The following PHACTR2 variants were observed in gnomAD, a reference collection of about 807,000 sequenced individuals.
PHACTR2 encodes the protein phosphatase and actin regulator 2.
PHACTR2 carries 30 observed loss-of-function variants against 76.0 expected under a neutral mutation model. That is an observed-to-expected ratio of 0.39 (90% CI 0.30 to 0.54). The LOEUF (loss-of-function observed/expected upper bound fraction) is 0.54, where lower values mean the gene tolerates loss of function less well. Ranked by LOEUF, PHACTR2 falls within the 20% of genes least tolerant of loss-of-function variation. The pLI, the probability that PHACTR2 is intolerant of heterozygous loss-of-function variation, is 0.61. For missense variants in PHACTR2, 696 were observed against 781.1 expected, an observed-to-expected ratio of 0.89 and a Z score of 1.30; for synonymous variants, 292 against 292.5, an observed-to-expected ratio of 1.00 and a Z score of 0.02.
At chr6:143,723,833 C>G (rs1778497581) in intron 2 of PHACTR2, among the ~76,000 whole-genome samples, 1 of 152,186 alleles carries the variant, frequency 6.6e-6, no homozygotes, top group South Asian at 2.1e-4. Flanking sequence ...TCTTTTTTCT[C>G]CTATTAACTC....
At chr6:143,815,526 A>G (rs17073087) in intron 12 of PHACTR2, among the ~76,000 whole-genome samples, 2,533 of 152,330 alleles carry the variant, frequency 0.017, 61 homozygotes, top group African/African-American at 0.056. Context: ...TTTTATATCT[A>G]TCAAGTAGGG....
At chr6:143,637,465 A>G (rs1312988631) in intron 1 of PHACTR2, among the ~76,000 whole-genome samples, 1 of 152,200 alleles carries the variant, frequency 6.6e-6, no homozygotes, top group East Asian at 1.9e-4. Flanking sequence ...GTTCTCAGTA[A>G]GACTTTGCGA....
Position 143,678,081 on chromosome 6 carries a change from T to C in PHACTR2, c.-83T>C. The C allele has an allele frequency of 6.5e-7, 1 of 1,543,310 alleles. No homozygotes were observed. Reference sequence around the variant, plus strand: ...CGGCACAGGCCGGGACATGAACGCCTGGAAGTCTGGCTGGGAGCGGACCCA... The same window carrying C: ...CGGCACAGGCCGGGACATGAACGCCCGGAAGTCTGGCTGGGAGCGGACCCA... On this transcript the variant is annotated 5_prime_UTR_variant, in exon 1 of 13. Coordinates refer to ENST00000440869, the MANE Select transcript of PHACTR2 (RefSeq NM_001100164.2). The surrounding 1 kb of genome is among the most constrained non-coding windows in gnomAD (Gnocchi z 6.2).
chr6:143,670,743 C>G (rs1582754745), intron 1 of PHACTR2, among the ~76,000 whole-genome samples: 2 of 152,176 alleles, frequency 1.3e-5, no homozygotes, highest in South Asian at 4.1e-4. Flanking sequence ...AGCAATTCCT[C>G]TAACCTTTTT....
chr6:143,713,684 C>CTTCA (rs1347100309), intron 2 of PHACTR2, among the ~76,000 whole-genome samples: 2 of 152,144 alleles, frequency 1.3e-5, no homozygotes, highest in Non-Finnish European at 2.9e-5. Flanking sequence ...CTCGGAGGTG[C>CTTCA]TTCAGTTCCT....
At position 143,656,175 on chromosome 6, in the gene PHACTR2, T is replaced by G. The variant is rs1056624873; in HGVS notation, c.13+47853T>G. ...CGCAGAGACTTCTAGCAGGGTTGTC[T>G]GGTGGGACATGCCCTGGGATATGGG... On this transcript the variant is annotated intron_variant, in intron 1 of 11. Transcript: ENST00000305766. This position sits in a 1 kb window ranked among gnomAD's most constrained non-coding sequence, Gnocchi z 5.3. Among the ~76,000 whole-genome samples, 3 of 152,228 alleles carry G rather than the reference T, an allele frequency of 2.0e-5. No individual in the cohort carries two copies. The highest frequency in any genetic ancestry group is 7.2e-5 in the African/African-American group (3 of 41,456).
chr6:143,814,577 G>A (rs541783683), intron 12 of PHACTR2, among the ~76,000 whole-genome samples: 49 of 150,090 alleles, frequency 3.3e-4, no homozygotes, highest in African/African-American at 1.2e-3. Context: ...TATACGTATG[G>A]ACACATAGAC....
At chr6:143,771,162 A>ATGTG (rs1562300661) in intron 6 of PHACTR2, among the ~76,000 whole-genome samples, 4 of 34,660 alleles carry the variant, frequency 1.2e-4, no homozygotes, top group African/African-American at 6.8e-4. Flanking sequence ...ATATATGTAT[A>ATGTG]TATATATATA....
rs1776098901 is a variant in PHACTR2, at chr6:143,807,913, A to G, written c.1922+780A>G. 6.6e-6 allele frequency among the ~76,000 whole-genome samples: 1 copy of G among 152,132 alleles called. No homozygotes were observed. The highest frequency in any genetic ancestry group is 2.1e-4 in the South Asian group (1 of 4,816). ...TGTGCTGGGAGCATGTCACAATATA[A>G]AGGAAGTTGCTGTATAACCTCCAAC... is the stretch of plus-strand genomic sequence containing the variant. On this transcript the variant is annotated intron_variant, in intron 12 of 12. Coordinates refer to ENST00000440869, the MANE Select transcript of PHACTR2 (RefSeq NM_001100164.2). The surrounding 1 kb of genome is among the most constrained non-coding windows in gnomAD (Gnocchi z 5.5).
intron 2 of PHACTR2, among the ~76,000 whole-genome samples, chr6:143,718,409 G>A (rs147221598): frequency 6.6e-6 from 1 of 152,292 alleles, no homozygotes; most frequent in African/African-American, 2.4e-5. Flanking sequence ...GTAGGCAAAG[G>A]CAATATTTGA....
In PHACTR2 at chr6:143,546,974, C is replaced by A. The variant is rs1775010196; in HGVS notation, c.217+9767C>A. Among the ~76,000 whole-genome samples, 1 of 151,844 alleles carries A rather than the reference C, an allele frequency of 6.6e-6. No homozygotes were observed. The highest frequency in any genetic ancestry group is 1.5e-5 in the Non-Finnish European group (1 of 67,978). ...ATTGCTTGAATCCAGCAGTTCGATG[C>A]TGCAGTGAGCTGTGATTGTGGCACT... On this transcript the variant is annotated intron_variant, in intron 1 of 11. Coordinates refer to the PHACTR2 transcript ENST00000367584. The surrounding 1 kb of genome is among the most constrained non-coding windows in gnomAD (Gnocchi z 4.9).
At chr6:143,814,962 T>C (rs9376793) in intron 12 of PHACTR2, among the ~76,000 whole-genome samples, 39,060 of 152,050 alleles carry the variant, frequency 0.26, 5,313 homozygotes, top group East Asian at 0.37. Flanking sequence ...GTTACTATCC[T>C]ATGTGGGTTT....
In PHACTR2 at chr6:143,633,428, T is replaced by C. The variant is rs1051347808; in HGVS notation, c.13+25106T>C. ...TATATCTTCTTTGGTGAGGTCTTCC[T>C]TTTTAGTGAGGACCTCTTTAGAGAG... On this transcript the variant is annotated intron_variant, in intron 1 of 11. Transcript: ENST00000305766. This position sits in a 1 kb window ranked among gnomAD's most constrained non-coding sequence, Gnocchi z 4.1. Among the ~76,000 whole-genome samples the C allele has an allele frequency of 6.6e-6, 1 of 152,222 alleles. No homozygotes were observed. Among genetic ancestry groups the C allele is most frequent in the African/African-American group, 2.4e-5 (1 of 41,462 alleles).
rs981155197 is a variant in PHACTR2 at position 143,767,897 on chromosome 6, G to A, written c.1232+2099G>A. Among the ~76,000 whole-genome samples, 2 of 152,134 alleles carry A rather than the reference G, an allele frequency of 1.3e-5. No homozygotes were observed. The highest frequency in any genetic ancestry group is 2.9e-5 in the Non-Finnish European group (2 of 68,010). ...CTGTCACCCAGGCTGGAGTACAGTGGCATGATCTCGGCTCACCTCAACCTC... is the reference window on the plus strand; with the variant it reads ...CTGTCACCCAGGCTGGAGTACAGTGACATGATCTCGGCTCACCTCAACCTC... On this transcript the variant is annotated intron_variant, in intron 6 of 12. Transcript: ENST00000440869. This position sits in a 1 kb window ranked among gnomAD's most constrained non-coding sequence, Gnocchi z 4.4.
chr6:143,671,540 T>C lies in PHACTR2; in HGVS notation c.14-40476T>C, dbSNP rs756471632. 2.0e-5 allele frequency among the ~76,000 whole-genome samples: 3 copies of C among 152,348 alleles called. No homozygotes were observed. In the East Asian group the frequency reaches 5.8e-4, roughly 29 times the overall value. On this transcript the variant is annotated intron_variant, in intron 1 of 11. Transcript: ENST00000305766. The surrounding 1 kb of genome is among the most constrained non-coding windows in gnomAD (Gnocchi z 4.6). ...TCTGAATTTCATAGCACTTTTCATCTTCTAAATTGTTATAAAGTTTACTGA... is the reference window on the plus strand; with the variant it reads ...TCTGAATTTCATAGCACTTTTCATCCTCTAAATTGTTATAAAGTTTACTGA...
rs1237727659 is a variant in PHACTR2 at position 143,683,736 on chromosome 6, T to G, written c.46+5527T>G. Among the ~76,000 whole-genome samples the G allele has an allele frequency of 2.0e-5, 3 of 152,220 alleles. No individual in the cohort carries two copies. Among genetic ancestry groups the G allele is most frequent in the Non-Finnish European group, 4.4e-5 (3 of 68,036 alleles). ...AAAGGCAAAAGCTGATGGAGTTTGTTTTCTTTATTCCATAATATATACATG... is the reference window on the plus strand; with the variant it reads ...AAAGGCAAAAGCTGATGGAGTTTGTGTTCTTTATTCCATAATATATACATG... On this transcript the variant is annotated intron_variant, in intron 1 of 12. Coordinates refer to ENST00000440869, the MANE Select transcript of PHACTR2 (RefSeq NM_001100164.2). This position sits in a 1 kb window ranked among gnomAD's most constrained non-coding sequence, Gnocchi z 4.1.
Position 143,823,591 on chromosome 6 carries a change from A to T in PHACTR2, c.1923-83A>T, listed in dbSNP as rs966934547. On this transcript the variant is annotated intron_variant, in intron 12 of 12. Transcript: ENST00000440869. This position sits in a 1 kb window ranked among gnomAD's most constrained non-coding sequence, Gnocchi z 5.7. The stretch of plus-strand genomic sequence containing the variant: ...ATATCTGGGGTACCTTTTCATTGTA[A>T]ACATGACCACGCCTTATTCAGCTCA... 3 of 1,044,354 alleles carry T rather than the reference A, an allele frequency of 2.9e-6. No homozygotes were observed. In the African/African-American group the frequency reaches 4.7e-5, roughly 16 times the overall value. The allele number at this position is 1,044,354 out of a possible 1,614,324, so 64.7% of individuals were successfully genotyped here. A position where few individuals can be genotyped will look rare whatever the true frequency, so the allele number is the denominator to read the frequency against.
chr6:143,747,414 G>C (rs918417067), intron 2 of PHACTR2, among the ~76,000 whole-genome samples: 1 of 152,204 alleles, frequency 6.6e-6, no homozygotes, highest in African/African-American at 2.4e-5. Context: ...CTCCCACCCT[G>C]TCTCCTATCA....
At chr6:143,798,535 T>C (rs1775882071) in intron 11 of PHACTR2, among the ~76,000 whole-genome samples, 1 of 152,200 alleles carries the variant, frequency 6.6e-6, no homozygotes, top group Non-Finnish European at 1.5e-5. Flanking sequence ...GTCTGTGGGT[T>C]TGTCATAAAC....
Sources: gnomAD v4.1 joint callset for allele counts (sites outside exome capture counted in the v4.1 genomes callset) on GRCh38, gnomAD v4.1.1 for gene constraint, Gnocchi (gnomAD v3.1) non-coding constraint, MANE v1.5 for transcripts, NCBI Gene and HGNC (gene_info 2026-07-23, HGNC 2026-07-21) for gene names.